The following AOAH variants were observed in gnomAD, a reference collection of about 807,000 sequenced individuals.
AOAH encodes the protein acyloxyacyl hydrolase (neutrophil).
In AOAH, 64 loss-of-function variants were observed where a neutral mutation model predicts 92.2. The observed-to-expected ratio is 0.69, with a 90% CI of 0.57 to 0.86. The LOEUF is 0.86. Among genes scored for constraint, AOAH ranks in the 40% least tolerant of loss-of-function variants. The pLI is 0.00. For synonymous variants in AOAH, 263 were observed against 254.5 expected (o/e 1.03, Z -0.32); for missense variants, 656 against 694.6 (o/e 0.94, Z 0.62).
chr7:36,534,990 G>T (rs1009962871), intron 16 of AOAH, among the ~76,000 whole-genome samples: 1 of 147,948 alleles, frequency 6.8e-6, no homozygotes, highest in East Asian at 2.0e-4. Flanking sequence ...GTGTTTGTGT[G>T]TGTCTGCTTG....
At chr7:36,561,169 G>A (rs1040034691) in intron 13 of AOAH, among the ~76,000 whole-genome samples, 1 of 151,398 alleles carries the variant, frequency 6.6e-6, no homozygotes, top group Non-Finnish European at 1.5e-5. Flanking sequence ...AGCCTCCCAT[G>A]TAGCTGGGAT....
At chr7:36,706,708 AT>A (rs1339404542) in intron 1 of AOAH, among the ~76,000 whole-genome samples, 1 of 152,152 alleles carries the variant, frequency 6.6e-6, no homozygotes, top group Admixed American at 6.6e-5. Context: ...TCTTAGCTAG[AT>A]TTTCTGGATA....
At chr7:36,665,125 A>G (rs1049605296) in intron 3 of AOAH, among the ~76,000 whole-genome samples, 3 of 152,202 alleles carry the variant, frequency 2.0e-5, no homozygotes, top group Non-Finnish European at 4.4e-5. Context: ...TACAGATCCA[A>G]TTGGGAAGAA....
intron 1 of AOAH, among the ~76,000 whole-genome samples, chr7:36,709,707 C>T (rs1407132455): frequency 6.6e-6 from 1 of 151,420 alleles, no homozygotes; most frequent in Admixed American, 6.6e-5. Context: ...TTTTCCAAAG[C>T]AACATTCAGG....
intron 15 of AOAH, among the ~76,000 whole-genome samples, chr7:36,547,871 A>T (rs1237672615): frequency 6.6e-6 from 1 of 152,178 alleles, no homozygotes; most frequent in Admixed American, 6.5e-5. Flanking sequence ...ATTGCCCATG[A>T]GTTATCCGCA....
rs143103159 is a variant in AOAH at position 36,552,894 on chromosome 7, C to T, written c.1022-3419G>A. Reference sequence around the variant, plus strand: ...TCAGCTGCCTCCATGTTACTAGCAACGACATGATTTAGTTCTTTTTATGGC... The same window carrying T: ...TCAGCTGCCTCCATGTTACTAGCAATGACATGATTTAGTTCTTTTTATGGC... On this transcript the variant is annotated intron_variant, in intron 13 of 20. Coordinates refer to ENST00000617537, the MANE Select transcript of AOAH (RefSeq NM_001637.4). Among the ~76,000 whole-genome samples, 29 of 152,054 alleles carry T rather than the reference C, an allele frequency of 1.9e-4. No homozygotes were observed. The East Asian group carries it at 3.9e-3, about 20-fold the overall frequency.
At chr7:36,596,929 C>G (rs1481012979) in intron 11 of AOAH, among the ~76,000 whole-genome samples, 1 of 152,144 alleles carries the variant, frequency 6.6e-6, no homozygotes, top group African/African-American at 2.4e-5. Flanking sequence ...ATTCCTAGAA[C>G]AAACAAATGT....
At chr7:36,715,644 G>GCA (rs2117003847) in intron 1 of AOAH, among the ~76,000 whole-genome samples, 2 of 141,740 alleles carry the variant, frequency 1.4e-5, no homozygotes, top group South Asian at 4.8e-4. Flanking sequence ...CCAACGGAAC[G>GCA]GAACAGAGCC....
chr7:36,569,951 T>C (rs1772559526), intron 13 of AOAH, among the ~76,000 whole-genome samples: 1 of 152,114 alleles, frequency 6.6e-6, no homozygotes, highest in African/African-American at 2.4e-5. Context: ...TTAATATTTG[T>C]TTTTCTTCTA....
At chr7:36,719,627 G>A (rs1335672601) in intron 1 of AOAH, among the ~76,000 whole-genome samples, 2 of 152,048 alleles carry the variant, frequency 1.3e-5, no homozygotes, top group East Asian at 3.9e-4. Context: ...AAAGACAGCT[G>A]ACAACTAACA....
At chr7:36,706,818 T>G (rs1056580215) in intron 1 of AOAH, among the ~76,000 whole-genome samples, 1 of 152,300 alleles carries the variant, frequency 6.6e-6, no homozygotes, top group Non-Finnish European at 1.5e-5. Context: ...CAACCTCTGA[T>G]AGTTTTATAC....
chr7:36,709,125 C>T (rs773480205), intron 1 of AOAH, among the ~76,000 whole-genome samples: 15 of 152,146 alleles, frequency 9.9e-5, no homozygotes, highest in Non-Finnish European at 2.1e-4. Flanking sequence ...TCCAGGATCT[C>T]CCTGCTAAAC....
chr7:36,622,120 G>A (rs1022085056), intron 7 of AOAH, among the ~76,000 whole-genome samples: 1 of 152,044 alleles, frequency 6.6e-6, no homozygotes, highest in Admixed American at 6.6e-5. Context: ...ATGGGGGCAC[G>A]TGTATATGCA....
At chr7:36,524,926 G>A (rs1784326197) in intron 19 of AOAH, among the ~76,000 whole-genome samples, 1 of 152,154 alleles carries the variant, frequency 6.6e-6, no homozygotes, top group Admixed American at 6.5e-5. Flanking sequence ...ACAGCATTCT[G>A]AGATAAGACA....
rs531586837 is a variant in AOAH, at chr7:36,628,632, G to A, written c.521+3404C>T. Among the ~76,000 whole-genome samples, 56 of 141,518 alleles carry A rather than the reference G, an allele frequency of 4.0e-4. No individual in the cohort carries two copies. In the East Asian group the frequency reaches 9.9e-3, roughly 25 times the overall value. The allele number at this position is 141,518 out of a possible 152,430, so 92.8% of individuals were successfully genotyped here. ...GGAGCCAGGAGCACCCAGGAGGGCT[G>A]TGCAAGCGACTGAAAGTAACCTGGG... On this transcript the variant is annotated intron_variant, in intron 6 of 20. Transcript: ENST00000617537.
intron 16 of AOAH, among the ~76,000 whole-genome samples, chr7:36,532,701 T>C (rs1043200910): frequency 3.9e-5 from 6 of 152,166 alleles, no homozygotes; most frequent in Non-Finnish European, 7.4e-5. Flanking sequence ...TTAAGAGCAG[T>C]ACTTTCTCCT....
chr7:36,514,389 G>A (rs1234297465), intron 20 of AOAH: 16 of 1,079,854 alleles, frequency 1.5e-5, no homozygotes, highest in Admixed American at 1.4e-4. Context: ...GTGAGGGCAG[G>A]GAGTCTGGCT....
chr7:36,647,578 G>T (rs1794300055), intron 4 of AOAH, among the ~76,000 whole-genome samples: 2 of 152,192 alleles, frequency 1.3e-5, no homozygotes, highest in Non-Finnish European at 1.5e-5. Flanking sequence ...CTTATCGGAA[G>T]TCAATAGTAA....
At chr7:36,562,622 G>T (rs755940686) in intron 13 of AOAH, among the ~76,000 whole-genome samples, 7 of 152,106 alleles carry the variant, frequency 4.6e-5, no homozygotes, top group South Asian at 2.1e-4. Flanking sequence ...GAAGAGAAAG[G>T]TTTCACATAA....
Sources: gnomAD v4.1 joint callset for allele counts (sites outside exome capture counted in the v4.1 genomes callset) on GRCh38, gnomAD v4.1.1 for gene constraint, MANE v1.5 for transcripts, NCBI Gene and HGNC (gene_info 2026-07-23, HGNC 2026-07-21) for gene names.